The following RBCK1 variants were observed in gnomAD, a reference collection of about 807,000 sequenced individuals.
RBCK1 encodes the protein ranBP-type and C3HC4-type zinc finger-containing protein 1.
Under a neutral mutation model 71.1 loss-of-function variants are expected in RBCK1, and 44 were observed. The ratio of observed to expected loss-of-function variants is 0.62; its 90% CI spans 0.49 to 0.80. The LOEUF is 0.80. RBCK1 is among the 30% of genes least tolerant of loss of function. The pLI is 0.00. For synonymous variants in RBCK1, 306 were observed against 279.7 expected, an observed-to-expected ratio of 1.09 and a Z score of -0.94; for missense variants, 569 against 685.0, an observed-to-expected ratio of 0.83 and a Z score of 1.89.
At chr20:423,318 T>G (rs1436125573) in intron 8 of RBCK1, among the ~76,000 whole-genome samples, 5 of 152,092 alleles carry the variant, frequency 3.3e-5, no homozygotes, top group African/African-American at 4.8e-5. Flanking sequence ...TATATATATA[T>G]TTAGAGTAGT....
chr20:420,386 C>G (rs951005899), intron 6 of RBCK1: 2 of 984,726 alleles, frequency 2.0e-6, no homozygotes, highest in Non-Finnish European at 2.4e-6. Context: ...TCCCCTTGGA[C>G]CCGGTGCTGC....
rs1421371022 is a variant in RBCK1 at position 417,746 on chromosome 20, T to C, written c.276T>C (p.Tyr92=). 2 of 1,612,986 alleles carry C rather than the reference T, an allele frequency of 1.2e-6. No individual in the cohort carries two copies. The highest frequency in any genetic ancestry group is 1.3e-5 in the African/African-American group (1 of 74,906). Residue 92 remains tyrosine, a synonymous_variant, in exon 4 of 12, where the codon TAT becomes TAC. Coordinates refer to ENST00000356286, the MANE Select transcript of RBCK1 (RefSeq NM_031229.4). The surrounding 1 kb of genome is among the most constrained non-coding windows in gnomAD (Gnocchi z 4.7). ...GCCCCCACCAGGTTTTTCTGGACTA[T>C]GGCTTCCCACCAGTCTTGCAGCAGT... ...ASLKDMVFLD[Y]GFPPVLQQWV... is the part of the protein sequence containing the mutation.
At position 422,185 on chromosome 20, in the gene RBCK1, A is replaced by G. The variant is rs1246376531; in HGVS notation, c.976A>G (p.Ile326Val). The G allele has an allele frequency of 1.1e-5, 18 of 1,613,290 alleles. No individual in the cohort carries two copies. Among genetic ancestry groups the G allele is most frequent in the African/African-American group, 2.7e-5 (2 of 74,992 alleles). ...GGAGGCGGAGGTCTCCTGCCCCTTCATTGACAACACCTACTCGTGCTCGGG... is the reference window on the plus strand; with the variant it reads ...GGAGGCGGAGGTCTCCTGCCCCTTCGTTGACAACACCTACTCGTGCTCGGG... ...SQEAEVSCPF[I>V]DNTYSCSGKL... The change falls in exon 8 of 12, where the codon ATT becomes GTT. Residue 326 changes from isoleucine to valine, a missense_variant. By Grantham distance (29) the Ile-to-Val change is conservative. Around this residue, in one of 2 missense-constraint regions of RBCK1, gnomAD observed 211 missense variants for 309.4 expected, o/e 0.68. Coordinates refer to ENST00000356286, the MANE Select transcript of RBCK1 (RefSeq NM_031229.4). This position sits in a 1 kb window ranked among gnomAD's most constrained non-coding sequence, Gnocchi z 5.0.
At chr20:419,854 G>T in intron 6 of RBCK1, 123 bp downstream of exon 6, 1 of 1,443,378 alleles carries the variant, frequency 6.9e-7, no homozygotes, top group Non-Finnish European at 9.1e-7. Context: ...CAACCATGCT[G>T]CTGGCAGTGA....
intron 8 of RBCK1, among the ~76,000 whole-genome samples, chr20:427,063 G>A (rs1367219899): frequency 6.6e-6 from 1 of 151,682 alleles, no homozygotes; most frequent in Non-Finnish European, 1.5e-5. Context: ...TGAAACTCTT[G>A]GCCTCAAGGA....
intron 7 of RBCK1, chr20:421,901 G>A: frequency 1.9e-6 from 1 of 528,444 alleles, no homozygotes; most frequent in East Asian, 3.1e-5. Context: ...CACCCAGGTG[G>A]GGGATGTGGG....
chr20:408,634 C>G lies in RBCK1; in HGVS notation c.-124C>G. 1.5e-6 allele frequency: 2 copies of G among 1,303,178 alleles called. No individual in the cohort carries two copies. Among genetic ancestry groups the G allele is most frequent in the Non-Finnish European group, 2.2e-6 (2 of 924,966 alleles). The allele number at this position is 1,303,178 out of a possible 1,614,324, so 80.7% of individuals were successfully genotyped here. A position where few individuals can be genotyped will look rare whatever the true frequency, so the allele number is the denominator to read the frequency against. ...CAGCGAGGCACACACAGGGCTTGGG[C>G]CGCGCCGGAGGCCACACGGCCTGGC... On this transcript the variant is annotated 5_prime_UTR_variant, in exon 1 of 12. Transcript: ENST00000356286.
At chr20:425,433 T>A (rs968338673) in intron 8 of RBCK1, among the ~76,000 whole-genome samples, 4 of 152,264 alleles carry the variant, frequency 2.6e-5, no homozygotes, top group Non-Finnish European at 5.9e-5. Flanking sequence ...CAACCACTGT[T>A]ACATATAACA....
intron 2 of RBCK1, among the ~76,000 whole-genome samples, chr20:414,982 A>C (rs1300214179): frequency 6.6e-6 from 1 of 152,172 alleles, no homozygotes; most frequent in African/African-American, 2.4e-5. Flanking sequence ...TGGGTATTCA[A>C]ATTGTTTACC....
chr20:423,506 CA>C lies in RBCK1; in HGVS notation c.1029+1276del, dbSNP rs961692021. Reference sequence around the variant, plus strand: ...CAACGGTGGATAGAACATATTCTTACAAAAAAAATTACAATAAAAAACAAAT... The same window carrying C: ...CAACGGTGGATAGAACATATTCTTACAAAAAAATTACAATAAAAAACAAAT... On this transcript the variant is annotated intron_variant, in intron 8 of 11. Coordinates refer to ENST00000356286, the MANE Select transcript of RBCK1 (RefSeq NM_031229.4). Among the ~76,000 whole-genome samples, 12 of 151,502 alleles carry C rather than the reference CA, an allele frequency of 7.9e-5. No homozygotes were observed. In the South Asian group the frequency reaches 1.3e-3, roughly 16 times the overall value.
Position 427,348 on chromosome 20 carries a change from C to T in RBCK1, c.1065C>T (p.Asp355=), listed in dbSNP as rs1831490857. Residue 355 remains aspartate (D), a synonymous_variant, in exon 9 of 12, where the codon GAC becomes GAT. Transcript: ENST00000356286. ...CTGAGGATTACCAGCGATTTCTAGA[C>T]CTGGGCATCTCCATTGCTGAAAACC... The part of the protein sequence containing the change: ...LTPEDYQRFL[D]LGISIAENRS... 1.9e-6 allele frequency: 3 copies of T among 1,614,148 alleles called. No individual in the cohort carries two copies. The highest frequency in any genetic ancestry group is 2.5e-6 in the Non-Finnish European group (3 of 1,180,022).
chr20:429,081 G>C lies in RBCK1; in HGVS notation c.1439G>C (p.Arg480Pro). 2 of 1,612,600 alleles carry C rather than the reference G, an allele frequency of 1.2e-6. No homozygotes were observed. The highest frequency in any genetic ancestry group is 1.7e-6 in the Non-Finnish European group (2 of 1,179,578). The change falls in exon 11 of 12, where the codon CGC becomes CCC. Residue 480 changes from arginine to proline, a missense_variant. By Grantham distance (103) the Arg-to-Pro change is moderately radical. Around this residue, in one of 2 missense-constraint regions of RBCK1, gnomAD observed 211 missense variants for 309.4 expected, o/e 0.68. Coordinates refer to ENST00000356286, the MANE Select transcript of RBCK1 (RefSeq NM_031229.4). ...ATCTGCTGGGTCACCAAGGGCCCAC[G>C]CTGGGGCCCTGGGGTGAGTCTTTGC... The part of the protein sequence containing the change: ...TEICWVTKGP[R>P]WGPGGPGDTS...
At position 428,732 on chromosome 20, in the gene RBCK1, G is replaced by C. The variant is rs966577366; in HGVS notation, c.1308+143G>C. 1.1e-5 allele frequency: 15 copies of C among 1,380,268 alleles called. No individual in the cohort carries two copies. In the African/African-American group the frequency reaches 2.2e-4, roughly 20 times the overall value. 85.5% of individuals were successfully genotyped at this position (1,380,268 alleles called of 1,614,324 possible). ...TGGCTGTCACTCCCATCCGGAGGTG[G>C]GACTTAGGCCGAATGGTCATGTCAG... On this transcript the variant is annotated intron_variant, in intron 10 of 11. Coordinates refer to ENST00000356286, the MANE Select transcript of RBCK1 (RefSeq NM_031229.4). The surrounding 1 kb of genome is among the most constrained non-coding windows in gnomAD (Gnocchi z 5.7).
rs561745462 is a variant in RBCK1, at chr20:417,123, ATGG to A, written c.168-402_168-400del. 1.2e-3 allele frequency: 549 copies of A among 460,014 alleles called. 4 individuals carry two copies. In the Middle Eastern group the frequency reaches 0.03, roughly 25 times the overall value. 28.5% of individuals were successfully genotyped at this position (460,014 alleles called of 1,614,324 possible). Reference sequence around the variant, plus strand: ...ACAGGGATACAGCAGTACCTGTCTGATGGGTTGGTTGAGAGGATTAAATGAGTT... The same window carrying A: ...ACAGGGATACAGCAGTACCTGTCTGAGTTGGTTGAGAGGATTAAATGAGTT... On this transcript the variant is annotated intron_variant, in intron 2 of 11. Coordinates refer to ENST00000356286, the MANE Select transcript of RBCK1 (RefSeq NM_031229.4). This position sits in a 1 kb window ranked among gnomAD's most constrained non-coding sequence, Gnocchi z 4.7.
At chr20:427,739 A>C (rs962479910) in intron 9 of RBCK1, among the ~76,000 whole-genome samples, 1 of 151,934 alleles carries the variant, frequency 6.6e-6, no homozygotes, top group South Asian at 2.1e-4. Context: ...TGGAGCCCCG[A>C]CCCTGGGCCA....
chr20:428,930 C>A lies in RBCK1; in HGVS notation c.1309-21C>A, dbSNP rs1310444460. On this transcript the variant is annotated intron_variant, in intron 10 of 11. Transcript: ENST00000356286. This position sits in a 1 kb window ranked among gnomAD's most constrained non-coding sequence, Gnocchi z 5.7. ...TGACTGCCCCAGCCCCGCCCCAGGG[C>A]CAGCACCTGCCCCACTCCAGGTGAT... 2 of 1,594,570 alleles carry A rather than the reference C, an allele frequency of 1.3e-6. No individual in the cohort carries two copies. Among genetic ancestry groups the A allele is most frequent in the African/African-American group, 1.3e-5 (1 of 74,826 alleles).
intron 2 of RBCK1, chr20:410,684 G>T: frequency 1.5e-6 from 1 of 647,632 alleles, no homozygotes. Context: ...TGCTCCAGGA[G>T]ACTTAAACTC....
chr20:427,436 G>A lies in RBCK1; in HGVS notation c.1153G>A (p.Asp385Asn). The A allele has an allele frequency of 6.2e-7, 1 of 1,614,164 alleles. No homozygotes were observed. Among genetic ancestry groups the A allele is most frequent in the Non-Finnish European group, 8.5e-7 (1 of 1,180,038 alleles). ...DCKGWCFFED[D>N]VNEFTCPVCF... ...CAAGGGATGGTGCTTCTTTGAGGAT[G>A]ATGTCAATGAGTTCACCTGCCCTGT... Residue 385 changes from aspartate (D) to asparagine (N), a missense_variant, in exon 9 of 12, where the codon GAT (aspartate) becomes AAT (asparagine). Physicochemically the swap from Asp to Asn is conservative, Grantham distance 23. Coordinates refer to ENST00000356286, the MANE Select transcript of RBCK1 (RefSeq NM_031229.4).
At chr20:420,143 C>T (rs1317948845) in intron 6 of RBCK1, 37 of 984,962 alleles carry the variant, frequency 3.8e-5, no homozygotes, top group Non-Finnish European at 4.3e-5. Context: ...TCCACCTCGC[C>T]GTGACCTCAC....
Sources: allele counts gnomAD v4.1 joint callset (sites outside exome capture counted in the v4.1 genomes callset), GRCh38; gene constraint gnomAD v4.1.1; regional missense constraint gnomAD v4.1.1; non-coding constraint Gnocchi (gnomAD v3.1); transcripts MANE v1.5; gene names NCBI Gene and HGNC (gene_info 2026-07-23, HGNC 2026-07-21).